Variants in ERC2 observed in about 807,000 individuals in gnomAD.
ERC2 encodes ELKS/RAB6-interacting/CAST family member 2.
In ERC2, 42 loss-of-function variants were observed where a neutral mutation model predicts 114.8. The observed-to-expected ratio is 0.37, with a 90% CI of 0.29 to 0.47. The LOEUF is 0.47. Ranked by LOEUF, ERC2 falls within the 20% of genes least tolerant of loss-of-function variation. The pLI, the probability that ERC2 is intolerant of heterozygous loss-of-function variation, is 0.99. For synonymous variants in ERC2, 454 were observed against 425.5 expected (o/e 1.07, Z -0.82); for missense variants, 939 against 1,150.7 (o/e 0.82, Z 2.66).
At chr3:56,022,689 T>C (rs954389914) in intron 7 of ERC2, among the ~76,000 whole-genome samples, 1 of 152,044 alleles carries the variant, frequency 6.6e-6, no homozygotes, top group Non-Finnish European at 1.5e-5. Flanking sequence ...AATAAGCAAA[T>C]TGAAAACAAG....
chr3:55,694,452 A>G (rs1047739156), intron 16 of ERC2, among the ~76,000 whole-genome samples: 3 of 152,228 alleles, frequency 2.0e-5, no homozygotes, highest in African/African-American at 7.2e-5. Flanking sequence ...TGATCACATA[A>G]GTATCATGTC....
intron 7 of ERC2, among the ~76,000 whole-genome samples, chr3:56,076,281 G>C (rs552068949): frequency 6.6e-6 from 1 of 152,092 alleles, no homozygotes; most frequent in Non-Finnish European, 1.5e-5. Context: ...CAATTTTAAT[G>C]GGTTTAAAAA....
rs529772998 is a variant in ERC2 at position 56,339,134 on chromosome 3, A to C, written c.658-42699T>G. ...TCATATCTCGTGCTCAATTCTAATA[A>C]GAGAAAAGTTAATAACATGCAAGTC... On this transcript the variant is annotated intron_variant, in intron 2 of 17. Coordinates refer to ENST00000288221, the MANE Select transcript of ERC2 (RefSeq NM_015576.3). Among the ~76,000 whole-genome samples the C allele has an allele frequency of 2.6e-4, 39 of 152,284 alleles. No homozygotes were observed. The South Asian group carries it at 7.7e-3, about 30-fold the overall frequency.
At chr3:56,457,751 G>A (rs569110853) in intron 1 of ERC2, among the ~76,000 whole-genome samples, 9 of 152,078 alleles carry the variant, frequency 5.9e-5, no homozygotes, top group Middle Eastern at 3.4e-3. Flanking sequence ...CCATTCTCTC[G>A]CTTACCTTTG....
At chr3:55,695,084 C>T (rs1013020256) in intron 16 of ERC2, among the ~76,000 whole-genome samples, 2 of 152,144 alleles carry the variant, frequency 1.3e-5, no homozygotes, top group Admixed American at 6.5e-5. Flanking sequence ...GAAGGAGATG[C>T]TATTTAAAGA....
intron 14 of ERC2, among the ~76,000 whole-genome samples, chr3:55,834,010 AG>A (rs1338626591): frequency 4.0e-5 from 6 of 151,222 alleles, no homozygotes; most frequent in African/African-American, 1.5e-4. Context: ...AAAGAGACAA[AG>A]AAGGCCATTA....
intron 17 of ERC2, among the ~76,000 whole-genome samples, chr3:55,618,871 AAAC>A (rs994045814): frequency 1.3e-5 from 2 of 152,262 alleles, no homozygotes; most frequent in African/African-American, 4.8e-5. Flanking sequence ...GGAAAAGCTG[AAAC>A]AACATCATGG....
intron 3 of ERC2, among the ~76,000 whole-genome samples, chr3:56,271,758 C>T (rs987055642): frequency 2.0e-5 from 3 of 152,146 alleles, no homozygotes; most frequent in Admixed American, 6.6e-5. Context: ...TCACCCTCCT[C>T]CCACCTTCCA....
intron 17 of ERC2, among the ~76,000 whole-genome samples, chr3:55,512,722 G>C (rs2052178704): frequency 6.6e-6 from 1 of 152,214 alleles, no homozygotes. Context: ...AAGATTTCCA[G>C]CTGGGCAGCA....
At chr3:56,385,881 C>T (rs1351196379) in intron 2 of ERC2, among the ~76,000 whole-genome samples, 3 of 152,198 alleles carry the variant, frequency 2.0e-5, no homozygotes, top group African/African-American at 7.2e-5. Context: ...TGAGTAAGAA[C>T]AGTATTTGCA....
intron 15 of ERC2, among the ~76,000 whole-genome samples, chr3:55,707,988 A>C (rs2063577637): frequency 6.6e-6 from 1 of 152,198 alleles, no homozygotes; most frequent in Non-Finnish European, 1.5e-5. Flanking sequence ...CTTTGTAACC[A>C]GTGCATCCCA....
chr3:55,987,403 A>T (rs999867178), intron 11 of ERC2, among the ~76,000 whole-genome samples: 3 of 152,206 alleles, frequency 2.0e-5, no homozygotes, highest in African/African-American at 7.2e-5. Flanking sequence ...GTTTTCATCA[A>T]ATTCTCAAAG....
At chr3:55,897,202 C>G (rs890862103) in intron 13 of ERC2, among the ~76,000 whole-genome samples, 3 of 152,222 alleles carry the variant, frequency 2.0e-5, no homozygotes, top group African/African-American at 7.2e-5. Context: ...CAGCCTCTCT[C>G]TCAGTTATCT....
At chr3:55,524,500 G>GTT (rs34258011) in intron 17 of ERC2, among the ~76,000 whole-genome samples, 1,463 of 120,794 alleles carry the variant, frequency 0.012, 37 homozygotes, top group African/African-American at 0.022. Flanking sequence ...AGCTCCAGTG[G>GTT]TTTTTTTTTT....
In ERC2 at chr3:55,680,343, G is replaced by A. The variant is rs564856114; in HGVS notation, c.*39+3451C>T. 2.0e-5 allele frequency among the ~76,000 whole-genome samples: 3 copies of A among 152,222 alleles called. No homozygotes were observed. The South Asian group carries it at 6.2e-4, about 32-fold the overall frequency. On this transcript the variant is annotated intron_variant, in intron 17 of 17. Coordinates refer to ENST00000288221, the MANE Select transcript of ERC2 (RefSeq NM_015576.3). ...GTAAGAGCTCAAACATTCAAATGTC[G>A]AGGCAGAGGTGGCACTAAATCTCAC...
intron 17 of ERC2, among the ~76,000 whole-genome samples, chr3:55,535,253 T>C (rs1354871427): frequency 6.6e-6 from 1 of 152,206 alleles, no homozygotes; most frequent in Non-Finnish European, 1.5e-5. Flanking sequence ...AGAAATATCC[T>C]CTGGAATATT....
At chr3:55,549,783 C>T (rs577838278) in intron 17 of ERC2, among the ~76,000 whole-genome samples, 1 of 152,004 alleles carries the variant, frequency 6.6e-6, no homozygotes, top group Admixed American at 6.5e-5. Flanking sequence ...AGGGCCCTGT[C>T]CTCAGCGAGC....
At chr3:56,376,486 C>T (rs1193352543) in intron 2 of ERC2, among the ~76,000 whole-genome samples, 2 of 151,300 alleles carry the variant, frequency 1.3e-5, no homozygotes, top group African/African-American at 2.4e-5. Context: ...GTGAGTTGGC[C>T]GGGCACAGTG....
chr3:56,281,460 A>AAT (rs1395973680), intron 3 of ERC2, among the ~76,000 whole-genome samples: 1 of 149,010 alleles, frequency 6.7e-6, no homozygotes, highest in African/African-American at 2.5e-5. Context: ...AAAAAAAAAA[A>AAT]GTATAGAGGA....
Sources: allele counts gnomAD v4.1 joint callset (sites outside exome capture counted in the v4.1 genomes callset), GRCh38; gene constraint gnomAD v4.1.1; transcripts MANE v1.5; gene names NCBI Gene and HGNC (gene_info 2026-07-23, HGNC 2026-07-21).